The following PER2 variants were observed in gnomAD, a reference collection of about 807,000 sequenced individuals.
PER2 encodes period circadian protein homolog 2.
Under a neutral mutation model 121.0 loss-of-function variants are expected in PER2, and 66 were observed. The ratio of observed to expected loss-of-function variants is 0.55; its 90% CI spans 0.45 to 0.67. The LOEUF is 0.67. Among genes scored for constraint, PER2 ranks in the 30% least tolerant of loss-of-function variants. The pLI is 0.00. For missense variants in PER2, 1,521 were observed against 1,635.0 expected (o/e 0.93, Z 1.20); for synonymous variants, 684 against 659.9 (o/e 1.04, Z -0.56).
At chr2:238,248,656 ATT>A (rs11455419) in intron 22 of PER2, among the ~76,000 whole-genome samples, 9 of 140,294 alleles carry the variant, frequency 6.4e-5, no homozygotes, top group African/African-American at 7.9e-5. Context: ...AATTTTAGAA[ATT>A]TTTTTTTTTT....
chr2:238,287,758 G>T (rs1175342835), intron 1 of PER2, among the ~76,000 whole-genome samples: 1 of 152,148 alleles, frequency 6.6e-6, no homozygotes, highest in Admixed American at 6.5e-5. Flanking sequence ...CTTTCCAAAC[G>T]GGTTCCTTCT....
intron 5 of PER2, 63 bp downstream of exon 5, chr2:238,273,007 C>T: frequency 6.4e-7 from 1 of 1,559,650 alleles, no homozygotes. Context: ...CAGTGCTGAG[C>T]TAGCTCGCCT....
At position 238,253,468 on chromosome 2, in the gene PER2, G is replaced by A; in HGVS notation, c.2555C>T (p.Ala852Val). 6.2e-7 allele frequency: 1 copy of A among 1,613,168 alleles called. No individual in the cohort carries two copies. The highest frequency in any genetic ancestry group is 8.5e-7 in the Non-Finnish European group (1 of 1,179,650). The change falls in exon 19 of 23, where the codon GCA (alanine) becomes GTA (valine). Residue 852 changes from alanine to valine, a missense_variant. Coordinates refer to ENST00000254657, the MANE Select transcript of PER2 (RefSeq NM_022817.3). The surrounding 1 kb of genome is among the most constrained non-coding windows in gnomAD (Gnocchi z 5.6). Reference sequence around the variant, plus strand: ...TGGAAACACGGGCAGTGAATAAGCTGCTGGCACTGGGGCGGGAAAGGGCAC... The same window carrying A: ...TGGAAACACGGGCAGTGAATAAGCTACTGGCACTGGGGCGGGAAAGGGCAC... ...PAVPFPAPVPAAYSLPVFPAP... is the reference protein window; with the variant it reads ...PAVPFPAPVPVAYSLPVFPAP...
chr2:238,297,452 G>A, the PER2 span, among the ~76,000 whole-genome samples: 2 of 152,212 alleles, frequency 1.3e-5, no homozygotes, highest in Admixed American at 1.3e-4. Flanking sequence ...CTCAGAGAGT[G>A]AGTGAAGACA....
At chr2:238,291,125 G>A (rs1027956976), upstream of PER2, among the ~76,000 whole-genome samples, 1 of 152,232 alleles carries the variant, frequency 6.6e-6, no homozygotes, top group Admixed American at 6.5e-5. Flanking sequence ...AGGCAGGCTG[G>A]CTAGGAGACA....
At chr2:238,277,095 TA>T in intron 3 of PER2, 35 bp downstream of exon 3, 2 of 1,472,072 alleles carry the variant, frequency 1.4e-6, no homozygotes, top group Non-Finnish European at 1.9e-6. Context: ...TCAATTTCTC[TA>T]AAACCTCTAT....
intron 14 of PER2, among the ~76,000 whole-genome samples, chr2:238,259,651 C>A (rs911166149): frequency 1.3e-5 from 2 of 152,262 alleles, no homozygotes; most frequent in Non-Finnish European, 2.9e-5. Context: ...GGCTCCCAGG[C>A]ACACCCTGCT....
the PER2 span, among the ~76,000 whole-genome samples, chr2:238,295,160 C>T: frequency 2.6e-5 from 4 of 152,240 alleles, no homozygotes; most frequent in Non-Finnish European, 5.9e-5. Flanking sequence ...CATGGAAAAA[C>T]ATCACTTGTC....
At chr2:238,295,439 C>T in the PER2 span, 1 of 152,140 alleles carries the variant, frequency 6.6e-6, no homozygotes, top group African/African-American at 2.4e-5. Flanking sequence ...GCAATCATAG[C>T]TCAGTGAAGC....
At chr2:238,247,456 C>A (rs1249786261) in intron 22 of PER2, 1 of 150,718 alleles carries the variant, frequency 6.6e-6, no homozygotes, top group East Asian at 1.9e-4. Flanking sequence ...CAGGAACGAC[C>A]CTGAGCTAGA....
Position 238,258,603 on chromosome 2 carries a change from C to A in PER2, c.1669G>T (p.Ala557Ser), listed in dbSNP as rs1695834304. The change falls in exon 15 of 23, where the codon GCC (alanine) becomes TCC (serine). Residue 557 changes from alanine to serine, a missense_variant. Coordinates refer to ENST00000254657, the MANE Select transcript of PER2 (RefSeq NM_022817.3). ...NPPAEKKAVP[A>S]MEKDSLGVSF... ...ACCCCCAGGCTGTCCTTTTCCATGG[C>A]AGGGACAGCTTTCTTCTCAGCTGGG... The A allele has an allele frequency of 6.2e-7, 1 of 1,614,118 alleles. No homozygotes were observed. Among genetic ancestry groups the A allele is most frequent in the Middle Eastern group, 1.7e-4 (1 of 6,060 alleles).
chr2:238,256,861 ACTT>A lies in PER2; in HGVS notation c.2065+58_2065+60del. On this transcript the variant is annotated intron_variant, in intron 17 of 22. Transcript: ENST00000254657. ...CACTTAGAAAAATTTAAGATGGCAAACTTCTTGTTTTCATGGTTAAAAATCAAA... is the reference window on the plus strand; with the variant it reads ...CACTTAGAAAAATTTAAGATGGCAAACTTGTTTTCATGGTTAAAAATCAAA... The A allele has an allele frequency of 2.6e-6, 4 of 1,547,670 alleles. No individual in the cohort carries two copies. In the East Asian group the frequency reaches 6.8e-5, roughly 26 times the overall value.
upstream of PER2, among the ~76,000 whole-genome samples, chr2:238,288,951 A>G (rs1363325102): frequency 6.6e-6 from 1 of 152,066 alleles, no homozygotes; most frequent in Non-Finnish European, 1.5e-5. Flanking sequence ...CGCACATGGA[A>G]CTCCATGTTC....
chr2:238,295,868 AC>A, the PER2 span: 1 of 199,806 alleles, frequency 5.0e-6, no homozygotes, highest in East Asian at 1.8e-4. Flanking sequence ...CAGAGGAAAA[AC>A]GGGCTCCCTC....
chr2:238,264,210 A>G (rs1189493661), intron 9 of PER2, among the ~76,000 whole-genome samples: 1 of 152,236 alleles, frequency 6.6e-6, no homozygotes, highest in Non-Finnish European at 1.5e-5. Flanking sequence ...GGTTAGAGAC[A>G]GTTCTCAGAT....
At chr2:238,267,566 G>C (rs1194730593) in intron 8 of PER2, among the ~76,000 whole-genome samples, 1 of 152,196 alleles carries the variant, frequency 6.6e-6, no homozygotes. Context: ...TCCAGGAAAA[G>C]TTAGGATGGG....
In PER2 at chr2:238,253,248, G is replaced by C; in HGVS notation, c.2775C>G (p.Phe925Leu). 1 of 1,604,560 alleles carries C rather than the reference G, an allele frequency of 6.2e-7. No homozygotes were observed. The highest frequency in any genetic ancestry group is 8.5e-7 in the Non-Finnish European group (1 of 1,173,736). ...GGCTCGGAAACTGAGGCTGGCTGGG[G>C]AAGAAGGCCTGGGGCAGGTTTGGGG... is the stretch of plus-strand genomic sequence containing the variant. ...SGTPNLPQAF[F>L]PSQPQFPSHP... The change falls in exon 19 of 23, where the codon TTC (phenylalanine) becomes TTG (leucine). Residue 925 changes from phenylalanine to leucine, a missense_variant. Phe to Leu is a conservative substitution (Grantham distance 22). Coordinates refer to ENST00000254657, the MANE Select transcript of PER2 (RefSeq NM_022817.3). The surrounding 1 kb of genome is among the most constrained non-coding windows in gnomAD (Gnocchi z 5.6).
At chr2:238,277,093 T>C (rs1400826539) in intron 3 of PER2, 38 bp downstream of exon 3, 8 of 1,447,382 alleles carry the variant, frequency 5.5e-6, no homozygotes, top group Non-Finnish European at 7.8e-6. Context: ...TTTCAATTTC[T>C]CTAAAACCTC....
chr2:238,271,221 G>GCC, intron 6 of PER2, 91 bp downstream of exon 6: 1 of 1,137,068 alleles, frequency 8.8e-7, no homozygotes, highest in South Asian at 1.2e-5. Context: ...GAAAGGTGAG[G>GCC]CAGGGCGCCT....
Sources: allele counts gnomAD v4.1 joint callset (sites outside exome capture counted in the v4.1 genomes callset), GRCh38; gene constraint gnomAD v4.1.1; non-coding constraint Gnocchi (gnomAD v3.1); transcripts MANE v1.5; gene names NCBI Gene and HGNC (gene_info 2026-07-23, HGNC 2026-07-21).